Variants in FAM107B observed in about 807,000 individuals in gnomAD.
FAM107B encodes the protein family with sequence similarity 107 member B.
FAM107B carries 21 observed loss-of-function variants against 31.5 expected under a neutral mutation model. That is an observed-to-expected ratio of 0.67 (90% CI 0.47 to 0.96). FAM107B has a LOEUF of 0.96. FAM107B is among the 40% of genes least tolerant of loss of function. FAM107B has a pLI of 0.00. For synonymous variants in FAM107B, 157 were observed against 141.5 expected, an observed-to-expected ratio of 1.11 and a Z score of -0.78; for missense variants, 452 against 377.1, an observed-to-expected ratio of 1.20 and a Z score of -1.64.
At chr10:14,769,335 A>G (rs774111655) in intron 1 of FAM107B, among the ~76,000 whole-genome samples, 19 of 152,166 alleles carry the variant, frequency 1.2e-4, no homozygotes, top group Non-Finnish European at 2.5e-4. Context: ...GAAGTTGTCA[A>G]TTCCAAGATG....
At chr10:14,758,745 G>A (rs1832978581) in intron 1 of FAM107B, among the ~76,000 whole-genome samples, 2 of 152,018 alleles carry the variant, frequency 1.3e-5, no homozygotes, top group African/African-American at 2.4e-5. Context: ...GCGAGTGCTG[G>A]CACACCTGCA....
At chr10:14,737,590 G>A (rs1856330117) in intron 1 of FAM107B, among the ~76,000 whole-genome samples, 1 of 151,862 alleles carries the variant, frequency 6.6e-6, no homozygotes, top group Admixed American at 6.6e-5. Flanking sequence ...CTCCAGCCTG[G>A]GTGACAGAGA....
chr10:14,530,107 G>A, intron 3 of FAM107B: 1 of 483,962 alleles, frequency 2.1e-6, no homozygotes, highest in Non-Finnish European at 3.8e-6. Flanking sequence ...ACCCGTGACT[G>A]CAGGAGTCTG....
intron 2 of FAM107B, among the ~76,000 whole-genome samples, chr10:14,618,438 C>T (rs1377241468): frequency 1.3e-5 from 2 of 152,008 alleles, no homozygotes; most frequent in African/African-American, 2.4e-5. Flanking sequence ...GTGGGACTGT[C>T]GGGTTGTATG....
intron 2 of FAM107B, among the ~76,000 whole-genome samples, chr10:14,625,386 G>A (rs935184291): frequency 5.3e-5 from 8 of 151,858 alleles, no homozygotes; most frequent in African/African-American, 4.8e-5. Flanking sequence ...CTCTGATGAC[G>A]CCTCATCTAG....
chr10:14,734,332 A>G (rs781523937), intron 1 of FAM107B, among the ~76,000 whole-genome samples: 19 of 152,232 alleles, frequency 1.2e-4, no homozygotes, highest in Non-Finnish European at 2.8e-4. Context: ...TTGCCCTTAC[A>G]TTGGCCCATC....
chr10:14,632,341 G>C (rs1387837262), intron 2 of FAM107B, among the ~76,000 whole-genome samples: 5 of 148,220 alleles, frequency 3.4e-5, no homozygotes, highest in African/African-American at 1.2e-4. Context: ...GCCGGGCGCA[G>C]TGGCTCACGC....
intron 2 of FAM107B, among the ~76,000 whole-genome samples, chr10:14,620,257 T>C (rs1483659844): frequency 2.0e-5 from 3 of 152,160 alleles, no homozygotes; most frequent in South Asian, 4.1e-4. Flanking sequence ...GACCTCGTGA[T>C]CCGCCCACCT....
chr10:14,763,664 C>T (rs183186169), intron 1 of FAM107B, among the ~76,000 whole-genome samples: 40 of 152,284 alleles, frequency 2.6e-4, no homozygotes, highest in Admixed American at 7.2e-4. Context: ...CAGAAAAGAC[C>T]TGGGGATGAA....
At chr10:14,633,194 C>CA (rs60159128) in intron 2 of FAM107B, among the ~76,000 whole-genome samples, 9,840 of 123,616 alleles carry the variant, frequency 0.08, 389 homozygotes, top group African/African-American at 0.14. Context: ...GACTCTGTCT[C>CA]AAAAAAAAAA....
At chr10:14,734,488 G>GTGTTTTTGTTTTTTTTTTTTTTTTT (rs558940939) in intron 1 of FAM107B, among the ~76,000 whole-genome samples, 5 of 138,562 alleles carry the variant, frequency 3.6e-5, no homozygotes, top group East Asian at 2.1e-4. Flanking sequence ...TTTTTGTGAG[G>GTGTTTTTGTTTTTTTTTTTTTTTTT]TTTTTTTTTT....
At chr10:14,556,761 A>G (rs1288098486) in intron 2 of FAM107B, among the ~76,000 whole-genome samples, 1 of 152,252 alleles carries the variant, frequency 6.6e-6, no homozygotes, top group Non-Finnish European at 1.5e-5. Flanking sequence ...TTGAATAGAA[A>G]AAGTTCAAAG....
chr10:14,705,166 G>A (rs763619452), intron 1 of FAM107B, among the ~76,000 whole-genome samples: 9 of 151,638 alleles, frequency 5.9e-5, no homozygotes, highest in Non-Finnish European at 8.8e-5. Flanking sequence ...AATGAGATAC[G>A]ACTTTCACAC....
intron 2 of FAM107B, among the ~76,000 whole-genome samples, chr10:14,610,000 CT>C (rs1253536172): frequency 3.3e-5 from 5 of 152,182 alleles, no homozygotes; most frequent in Admixed American, 6.5e-5. Context: ...TCATTGACCC[CT>C]GATGACCTGA....
chr10:14,748,332 T>TATTA (rs1476067965), intron 1 of FAM107B, among the ~76,000 whole-genome samples: 1 of 151,684 alleles, frequency 6.6e-6, no homozygotes, highest in Non-Finnish European at 1.5e-5. Flanking sequence ...AGTGGACATC[T>TATTA]GTCATTCTTT....
intron 2 of FAM107B, among the ~76,000 whole-genome samples, chr10:14,632,394 G>T (rs919143039): frequency 2.1e-4 from 32 of 150,900 alleles, no homozygotes; most frequent in African/African-American, 7.3e-4. Flanking sequence ...GGCAGATCAT[G>T]AGGTCAGGAG....
intron 1 of FAM107B, among the ~76,000 whole-genome samples, chr10:14,771,023 C>A (rs7085093): frequency 0.097 from 13,180 of 136,534 alleles, 1,596 homozygotes; most frequent in African/African-American, 0.28. Context: ...GTGGCCTCTA[C>A]AGAGGCAGCT....
intron 2 of FAM107B, among the ~76,000 whole-genome samples, chr10:14,628,796 G>T (rs934809356): frequency 1.3e-5 from 2 of 152,118 alleles, no homozygotes; most frequent in African/African-American, 4.8e-5. Context: ...ACTTTGGGAG[G>T]TTGAGGTGGG....
At chr10:14,763,465 G>C (rs936260019) in intron 1 of FAM107B, among the ~76,000 whole-genome samples, 10 of 152,162 alleles carry the variant, frequency 6.6e-5, no homozygotes, top group African/African-American at 2.4e-4. Flanking sequence ...GCCTCTAATT[G>C]TTAGAGGCTA....
Sources: allele counts gnomAD v4.1 joint callset (sites outside exome capture counted in the v4.1 genomes callset), GRCh38; gene constraint gnomAD v4.1.1; transcripts MANE v1.5; gene names NCBI Gene and HGNC (gene_info 2026-07-23, HGNC 2026-07-21).